The following DDC variants were observed in gnomAD, a reference collection of about 807,000 sequenced individuals.
DDC encodes the protein aromatic-L-amino-acid decarboxylase.
DDC carries 43 observed loss-of-function variants against 60.0 expected under a neutral mutation model. The observed-to-expected ratio is 0.72, with a 90% CI of 0.56 to 0.92. DDC has a LOEUF of 0.92. Ranked by LOEUF, DDC falls within the 40% of genes least tolerant of loss-of-function variation. The probability of loss-of-function intolerance (pLI) is 0.00; values close to 1 mark genes in which losing one functional copy is unlikely to be tolerated. For synonymous variants in DDC, 232 were observed against 234.6 expected (o/e 0.99, Z 0.10); for missense variants, 573 against 620.2 (o/e 0.92, Z 0.81).
chr7:50,538,103 G>T, intron 3 of DDC, 124 bp from the exon 4 acceptor site: 1 of 1,212,244 alleles, frequency 8.2e-7, no homozygotes, highest in South Asian at 1.3e-5. Context: ...TCTCAGATGT[G>T]ATTCAAAGGC....
intron 6 of DDC, among the ~76,000 whole-genome samples, chr7:50,515,408 G>C (rs2043700047): frequency 6.6e-6 from 1 of 152,130 alleles, no homozygotes; most frequent in Non-Finnish European, 1.5e-5. Context: ...GCTAAAAGGA[G>C]CTCTAAATCT....
chr7:50,531,672 G>C (rs540592629), intron 4 of DDC: 3 of 152,182 alleles, frequency 2.0e-5, no homozygotes, highest in Admixed American at 6.5e-5. Context: ...GGAGCAAATC[G>C]TCAGTAGCAC....
intron 1 of DDC, among the ~76,000 whole-genome samples, chr7:50,562,612 G>A (rs1445108286): frequency 6.6e-6 from 1 of 152,212 alleles, no homozygotes; most frequent in Non-Finnish European, 1.5e-5. Context: ...ATGCACCCAT[G>A]AGAAAGAGCC....
chr7:50,514,685 G>A lies in DDC; in HGVS notation c.715-10626C>T, dbSNP rs562926327. 3.9e-4 allele frequency among the ~76,000 whole-genome samples: 59 copies of A among 152,200 alleles called. 2 individuals are homozygous for A. In the South Asian group the frequency reaches 0.012, roughly 31 times the overall value. On this transcript the variant is annotated intron_variant, in intron 6 of 14. Transcript: ENST00000444124. ...GGACACACTTTTAGAAATGTGGAAT[G>A]CTCTGGAAAGTCTCAGCAATAGAAT...
At chr7:50,524,719 T>C (rs1326216801) in intron 6 of DDC, among the ~76,000 whole-genome samples, 1 of 152,196 alleles carries the variant, frequency 6.6e-6, no homozygotes, top group African/African-American at 2.4e-5. Context: ...GCATTGATAA[T>C]GGAAATGTAA....
intron 1 of DDC, among the ~76,000 whole-genome samples, chr7:50,563,269 G>A (rs1020827392): frequency 6.6e-6 from 1 of 152,018 alleles, no homozygotes; most frequent in Non-Finnish European, 1.5e-5. Context: ...CAGAGAACAT[G>A]TTGGTGTGAG....
At chr7:50,538,917 A>G (rs941693447) in intron 3 of DDC, among the ~76,000 whole-genome samples, 5 of 152,172 alleles carry the variant, frequency 3.3e-5, no homozygotes, top group African/African-American at 1.2e-4. Context: ...GCAGAGGAGC[A>G]GCACAGACAC....
At chr7:50,492,513 C>T (rs944208372) in intron 9 of DDC, 1 of 189,328 alleles carries the variant, frequency 5.3e-6, no homozygotes, top group Non-Finnish European at 1.1e-5. Context: ...GCCTTTCAAG[C>T]CCATAGGAAG....
intron 6 of DDC, among the ~76,000 whole-genome samples, chr7:50,526,186 C>G (rs1443011063): frequency 6.6e-6 from 1 of 152,180 alleles, no homozygotes; most frequent in East Asian, 1.9e-4. Context: ...ATTGGCGGCA[C>G]AGAAGGAAAT....
At chr7:50,520,339 G>T (rs1224881996) in intron 6 of DDC, among the ~76,000 whole-genome samples, 1 of 152,130 alleles carries the variant, frequency 6.6e-6, no homozygotes, top group Admixed American at 6.5e-5. Flanking sequence ...CTCTCAGACT[G>T]CATTGGAATT....
At chr7:50,484,487 T>C (rs2042838174) in intron 9 of DDC, among the ~76,000 whole-genome samples, 1 of 152,216 alleles carries the variant, frequency 6.6e-6, no homozygotes, top group African/African-American at 2.4e-5. Flanking sequence ...TATTTGCAGC[T>C]TCCCATTATA....
intron 11 of DDC, among the ~76,000 whole-genome samples, chr7:50,471,017 C>T (rs1268035077): frequency 6.6e-6 from 1 of 152,222 alleles, no homozygotes; most frequent in Non-Finnish European, 1.5e-5. Flanking sequence ...GCAGCTGGGC[C>T]ATCTGCCGGG....
intron 1 of DDC, among the ~76,000 whole-genome samples, chr7:50,560,691 T>C (rs1410337137): frequency 2.0e-5 from 3 of 152,204 alleles, no homozygotes; most frequent in Non-Finnish European, 4.4e-5. Flanking sequence ...CACTTAGTTA[T>C]GTTGCTGTCA....
chr7:50,481,846 T>G (rs1262495810), intron 9 of DDC, among the ~76,000 whole-genome samples: 4 of 152,226 alleles, frequency 2.6e-5, no homozygotes, highest in Non-Finnish European at 5.9e-5. Flanking sequence ...ATTCCATGCA[T>G]GTTTCTATAA....
intron 6 of DDC, among the ~76,000 whole-genome samples, chr7:50,508,976 A>C (rs955582833): frequency 2.0e-5 from 3 of 152,152 alleles, no homozygotes; most frequent in Admixed American, 6.5e-5. Context: ...CTGCCTGGAT[A>C]TCCCCTGACA....
chr7:50,513,847 C>G (rs1221884080), intron 6 of DDC, among the ~76,000 whole-genome samples: 1 of 152,122 alleles, frequency 6.6e-6, no homozygotes, highest in Non-Finnish European at 1.5e-5. Context: ...TGAGCCCAGA[C>G]ATGCCTAGCC....
At chr7:50,498,300 G>A (rs901496575) in intron 8 of DDC, among the ~76,000 whole-genome samples, 1 of 152,222 alleles carries the variant, frequency 6.6e-6, no homozygotes, top group Non-Finnish European at 1.5e-5. Context: ...TCACACATGG[G>A]TGAGGTCTCA....
chr7:50,463,459 G>A, intron 13 of DDC, 28 bp from the exon 14 acceptor site: 1 of 1,594,680 alleles, frequency 6.3e-7, no homozygotes, highest in Non-Finnish European at 8.6e-7. Context: ...GAGGAACTGT[G>A]CTCAGGTCTC....
rs11575376 is a variant in DDC, at chr7:50,504,059, T to A, written c.715A>T (p.Met239Leu). The A allele has an allele frequency of 2.7e-4, 430 of 1,612,196 alleles. 1 individual carries two copies. The highest frequency in any genetic ancestry group is 2.1e-3 in the Admixed American group (123 of 59,986). Residue 239 changes from methionine (M) to leucine (L), a missense_variant and splice_region_variant, in exon 7 of 15, where the codon ATG becomes TTG. By Grantham distance (15) the Met-to-Leu change is conservative. Coordinates refer to ENST00000444124, the MANE Select transcript of DDC (RefSeq NM_001082971.2). ...GTTGTGGTCCCCAGGGTGGCAACCA[T>A]CTAGAGGGTAAAAAGCAGACAGCCT... The part of the protein sequence containing the change: ...DKAAGLIPFF[M>L]VATLGTTTCC...
Sources: allele counts gnomAD v4.1 joint callset (sites outside exome capture counted in the v4.1 genomes callset), GRCh38; gene constraint gnomAD v4.1.1; transcripts MANE v1.5; gene names NCBI Gene and HGNC (gene_info 2026-07-23, HGNC 2026-07-21).